CEP57: variants seen among roughly 807,000 people sequenced by gnomAD.
CEP57 encodes the protein centrosomal protein 57, also known as centrosomal protein of 57 kDa.
In CEP57, 40 loss-of-function variants were observed where a neutral mutation model predicts 68.0. The ratio of observed to expected loss-of-function variants is 0.59; its 90% CI spans 0.46 to 0.77. The LOEUF is 0.77. Ranked by LOEUF, CEP57 falls within the 30% of genes least tolerant of loss-of-function variation. The probability of loss-of-function intolerance (pLI) is 0.00; values close to 1 mark genes in which losing one functional copy is unlikely to be tolerated. For missense variants in CEP57, 606 were observed against 580.7 expected (o/e 1.04, Z -0.45); for synonymous variants, 219 against 198.7 (o/e 1.10, Z -0.86).
At chr11:95,806,017 A>G (rs911437912) in intron 2 of CEP57, among the ~76,000 whole-genome samples, 1 of 152,202 alleles carries the variant, frequency 6.6e-6, no homozygotes, top group Admixed American at 6.5e-5. Context: ...TATATAAAGA[A>G]AGAAAACATG....
intron 10 of CEP57, 56 bp downstream of exon 10, chr11:95,829,387 T>C (rs1862904569): frequency 6.7e-6 from 10 of 1,489,262 alleles, no homozygotes; most frequent in African/African-American, 2.8e-5. Context: ...AAAAACACTT[T>C]AATTCAAATA....
chr11:95,822,614 T>C (rs1369933381), intron 8 of CEP57, 38 bp downstream of exon 8: 2 of 1,516,668 alleles, frequency 1.3e-6, no homozygotes, highest in South Asian at 1.1e-5. Context: ...TTATACAACA[T>C]TGATCCCTGA....
At chr11:95,829,521 A>G (rs1862911817) in intron 10 of CEP57, among the ~76,000 whole-genome samples, 190 bp downstream of exon 10, 1 of 152,216 alleles carries the variant, frequency 6.6e-6, no homozygotes. Flanking sequence ...GTCACTTAGC[A>G]TATTCATCTA....
intron 5 of CEP57, 81 bp from the exon 6 acceptor site, chr11:95,818,746 A>G: frequency 2.8e-6 from 3 of 1,055,826 alleles, no homozygotes. Flanking sequence ...TAAAATTTAC[A>G]TGTTCCAGTG....
chr11:95,829,121 G>A (rs1230194966), intron 9 of CEP57, 66 bp from the exon 10 acceptor site: 4 of 1,524,222 alleles, frequency 2.6e-6, no homozygotes, highest in Admixed American at 1.7e-5. Context: ...CCCATAATGA[G>A]GTATAATAGA....
chr11:95,794,040 G>C (rs1324349333), intron 1 of CEP57, among the ~76,000 whole-genome samples: 1 of 152,092 alleles, frequency 6.6e-6, no homozygotes, highest in Non-Finnish European at 1.5e-5. Flanking sequence ...CCAACAGAGC[G>C]AATGCAGAAC....
intron 8 of CEP57, chr11:95,822,820 C>A: frequency 2.0e-6 from 1 of 491,802 alleles, no homozygotes; most frequent in Non-Finnish European, 3.7e-6. Flanking sequence ...AAACAGAGAC[C>A]CTAAGTTGAA....
chr11:95,827,650 C>A, intron 8 of CEP57, 136 bp from the exon 9 acceptor site: 2 of 977,888 alleles, frequency 2.0e-6, no homozygotes, highest in South Asian at 1.5e-5. Flanking sequence ...AGAAGAACAT[C>A]ATGATGAGAA....
chr11:95,797,079 G>A (rs1030398950), intron 1 of CEP57, among the ~76,000 whole-genome samples: 1 of 151,782 alleles, frequency 6.6e-6, no homozygotes, highest in Non-Finnish European at 1.5e-5. Context: ...ATTGTCCGCT[G>A]GTCACTGGGC....
At chr11:95,806,711 C>T (rs886160583) in intron 2 of CEP57, among the ~76,000 whole-genome samples, 1 of 152,160 alleles carries the variant, frequency 6.6e-6, no homozygotes, top group Non-Finnish European at 1.5e-5. Context: ...AGTAGGTAAA[C>T]AGCGGTCTGG....
intron 2 of CEP57, among the ~76,000 whole-genome samples, chr11:95,811,748 CAT>C (rs962338783): frequency 3.9e-5 from 6 of 152,024 alleles, no homozygotes; most frequent in East Asian, 1.9e-4. Context: ...TAGCCAATAA[CAT>C]ATATGAAAAG....
At chr11:95,803,294 T>C (rs775851552) in intron 2 of CEP57, among the ~76,000 whole-genome samples, 1 of 152,106 alleles carries the variant, frequency 6.6e-6, no homozygotes, top group African/African-American at 2.4e-5. Context: ...TAGATGGAGA[T>C]GAATACTAAG....
intron 4 of CEP57, among the ~76,000 whole-genome samples, chr11:95,815,875 GC>G (rs1233342480): frequency 6.6e-6 from 1 of 152,154 alleles, no homozygotes; most frequent in Non-Finnish European, 1.5e-5. Context: ...ATTATACATT[GC>G]CTAAAGTTTT....
chr11:95,803,643 G>T (rs766793433), intron 2 of CEP57, among the ~76,000 whole-genome samples: 1 of 137,296 alleles, frequency 7.3e-6, no homozygotes, highest in Non-Finnish European at 1.5e-5. Flanking sequence ...AATAGACCCA[G>T]GTGGACTTGA....
At chr11:95,828,601 C>A (rs1480955972) in intron 9 of CEP57, among the ~76,000 whole-genome samples, 1 of 152,106 alleles carries the variant, frequency 6.6e-6, no homozygotes, top group Non-Finnish European at 1.5e-5. Flanking sequence ...CTAAACTTAA[C>A]TGATAAGACA....
In CEP57 at chr11:95,790,667, G is replaced by T. The variant is rs779482582; in HGVS notation, c.-32G>T. 1.6e-5 allele frequency: 25 copies of T among 1,611,966 alleles called. No homozygotes were observed. Among genetic ancestry groups the T allele is most frequent in the Non-Finnish European group, 2.0e-5 (24 of 1,179,196 alleles). On this transcript the variant is annotated 5_prime_UTR_variant, in exon 1 of 11. Coordinates refer to ENST00000325542, the MANE Select transcript of CEP57 (RefSeq NM_014679.5). ...GAGCACGAGAACCTAGACCGCCCCC[G>T]AAGTGCGGAGACCCCCTGGGCAGGC...
At chr11:95,796,340 A>G (rs1240399602) in intron 1 of CEP57, among the ~76,000 whole-genome samples, 1 of 152,178 alleles carries the variant, frequency 6.6e-6, no homozygotes, top group Non-Finnish European at 1.5e-5. Flanking sequence ...TCCTACAATC[A>G]TATTTTGGTT....
upstream of CEP57, chr11:95,790,371 T>G (rs1340314893): frequency 2.2e-6 from 1 of 456,638 alleles, no homozygotes; most frequent in South Asian, 2.7e-5. Context: ...CGGCGTTGTC[T>G]GCCCCAGCGG....
rs566848071 is a variant in CEP57 at position 95,793,314 on chromosome 11, G to A, written c.45+2571G>A. Among the ~76,000 whole-genome samples the A allele has an allele frequency of 2.6e-5, 4 of 152,294 alleles. No individual in the cohort carries two copies. In the South Asian group the frequency reaches 8.3e-4, roughly 32 times the overall value. Reference sequence around the variant, plus strand: ...TCCATATGGAGGTATGGGCAGCATTGTGTTGAAATACACAAGAATGTCTTT... The same window carrying A: ...TCCATATGGAGGTATGGGCAGCATTATGTTGAAATACACAAGAATGTCTTT... On this transcript the variant is annotated intron_variant, in intron 1 of 10. Coordinates refer to ENST00000325542, the MANE Select transcript of CEP57 (RefSeq NM_014679.5).
Sources: allele counts gnomAD v4.1 joint callset (sites outside exome capture counted in the v4.1 genomes callset), GRCh38; gene constraint gnomAD v4.1.1; transcripts MANE v1.5; gene names NCBI Gene and HGNC (gene_info 2026-07-23, HGNC 2026-07-21).